Variants in CLVS1 observed in about 807,000 individuals in gnomAD.
CLVS1 encodes the protein clavesin 1.
Under a neutral mutation model 33.1 loss-of-function variants are expected in CLVS1, and 10 were observed. That is an observed-to-expected ratio of 0.30 (90% CI 0.19 to 0.51). The LOEUF (loss-of-function observed/expected upper bound fraction) is 0.51. CLVS1 is among the 20% of genes least tolerant of loss of function. The pLI, the probability that CLVS1 is intolerant of heterozygous loss-of-function variation, is 0.97. For missense variants in CLVS1, 343 were observed against 433.4 expected, an observed-to-expected ratio of 0.79 and a Z score of 1.85; for synonymous variants, 163 against 166.1, an observed-to-expected ratio of 0.98 and a Z score of 0.14.
intron 2 of CLVS1, among the ~76,000 whole-genome samples, chr8:61,375,710 A>G (rs1239194375): frequency 6.6e-6 from 1 of 152,204 alleles, no homozygotes; most frequent in Non-Finnish European, 1.5e-5. Context: ...AGATTTTGCC[A>G]TCACTTGCCA....
intron 2 of CLVS1, among the ~76,000 whole-genome samples, chr8:61,243,734 A>T (rs532214758): frequency 5.9e-5 from 9 of 152,150 alleles, no homozygotes; most frequent in Admixed American, 2.0e-4. Flanking sequence ...GTCAAGCAGT[A>T]TCACTAAGGG....
intron 1 of CLVS1, among the ~76,000 whole-genome samples, chr8:61,293,451 A>G (rs1810069887): frequency 6.6e-6 from 1 of 152,198 alleles, no homozygotes; most frequent in Non-Finnish European, 1.5e-5. Context: ...GCACCATGGA[A>G]CATGTAACCA....
rs867685698 is a variant in CLVS1 at position 61,476,617 on chromosome 8, A to G, written c.977+18075A>G. On this transcript the variant is annotated intron_variant, in intron 5 of 5. Transcript: ENST00000325897. ...TCTGTTTGTCTATTATTGGTATATAAGAATGCTTGTGATTTTTGCACATTG... is the reference window on the plus strand; with the variant it reads ...TCTGTTTGTCTATTATTGGTATATAGGAATGCTTGTGATTTTTGCACATTG... 1.4e-4 allele frequency among the ~76,000 whole-genome samples: 22 copies of G among 152,212 alleles called. 1 individual carries two copies. In the Middle Eastern group the frequency reaches 0.014, roughly 94 times the overall value.
intron 5 of CLVS1, among the ~76,000 whole-genome samples, chr8:61,482,353 C>T (rs561413004): frequency 1.3e-5 from 2 of 152,364 alleles, no homozygotes; most frequent in Non-Finnish European, 2.9e-5. Context: ...TGGAGAATGA[C>T]TTTGATGAGT....
chr8:61,259,484 G>T (rs1452771166), intron 2 of CLVS1, among the ~76,000 whole-genome samples: 2 of 152,164 alleles, frequency 1.3e-5, no homozygotes, highest in Non-Finnish European at 2.9e-5. Context: ...TATTTTCCTT[G>T]CTGGGAAATT....
intron 2 of CLVS1, among the ~76,000 whole-genome samples, chr8:61,196,558 T>C (rs1017672501): frequency 6.6e-6 from 1 of 152,196 alleles, no homozygotes; most frequent in African/African-American, 2.4e-5. Context: ...GAACTTGGTG[T>C]CTTGAAGGAT....
chr8:61,185,154 T>G (rs1010763645), intron 2 of CLVS1, among the ~76,000 whole-genome samples: 1 of 149,858 alleles, frequency 6.7e-6, no homozygotes, highest in Non-Finnish European at 1.5e-5. Flanking sequence ...TTTTTGTTTT[T>G]GTTTTTTGTG....
chr8:61,324,399 A>G (rs1463162638), intron 2 of CLVS1, among the ~76,000 whole-genome samples: 2 of 152,268 alleles, frequency 1.3e-5, no homozygotes, highest in Non-Finnish European at 2.9e-5. Flanking sequence ...ACCTCCCACC[A>G]TGATTCTGAG....
chr8:61,408,394 A>AAAAGACAG (rs1815077321), intron 3 of CLVS1, among the ~76,000 whole-genome samples: 1 of 152,204 alleles, frequency 6.6e-6, no homozygotes, highest in Admixed American at 6.5e-5. Flanking sequence ...GATTCGATTG[A>AAAAGACAG]AAAGACAGGC....
chr8:61,449,659 T>C (rs940238650), intron 3 of CLVS1, among the ~76,000 whole-genome samples: 1 of 152,180 alleles, frequency 6.6e-6, no homozygotes, highest in Admixed American at 6.5e-5. Context: ...GCCTTTTTTT[T>C]AGTTGCTTTT....
intron 2 of CLVS1, among the ~76,000 whole-genome samples, chr8:61,352,947 G>A (rs1812532128): frequency 6.6e-6 from 1 of 151,872 alleles, no homozygotes; most frequent in Admixed American, 6.6e-5. Context: ...TTTTGTATAC[G>A]AGACTTGAGC....
chr8:61,297,373 C>T (rs916149454), intron 1 of CLVS1, among the ~76,000 whole-genome samples: 2 of 151,958 alleles, frequency 1.3e-5, no homozygotes, highest in Admixed American at 6.6e-5. Context: ...TAAACAAAGA[C>T]GGTGATCATG....
At chr8:60,971,326 G>A in the CLVS1 span, among the ~76,000 whole-genome samples, 496 of 152,256 alleles carry the variant, frequency 3.3e-3, 4 homozygotes, top group Non-Finnish European at 6.0e-3. Context: ...CCATCCTCCT[G>A]CCTTGGCCTT....
chr8:61,215,413 A>T (rs1808062117), intron 2 of CLVS1, among the ~76,000 whole-genome samples: 1 of 152,184 alleles, frequency 6.6e-6, no homozygotes, highest in African/African-American at 2.4e-5. Flanking sequence ...AATTGTACTA[A>T]AGTCACTGTG....
chr8:61,426,358 T>C (rs776755967), intron 3 of CLVS1, among the ~76,000 whole-genome samples: 4 of 152,256 alleles, frequency 2.6e-5, no homozygotes, highest in Non-Finnish European at 5.9e-5. Context: ...TCACTGCATA[T>C]GGGCTTATAA....
At chr8:61,411,983 A>G (rs1347258766) in intron 3 of CLVS1, among the ~76,000 whole-genome samples, 1 of 152,172 alleles carries the variant, frequency 6.6e-6, no homozygotes, top group African/African-American at 2.4e-5. Flanking sequence ...GGAAACCGGG[A>G]AAAAGGCCCA....
rs910324246 is a variant in CLVS1 at position 61,198,933 on chromosome 8, G to C, written c.-152+67073G>C. 1.2e-4 allele frequency among the ~76,000 whole-genome samples: 19 copies of C among 152,210 alleles called. 1 individual carries two copies. Among genetic ancestry groups the C allele is most frequent in the Non-Finnish European group, 4.4e-5 (3 of 68,042 alleles). On this transcript the variant is annotated intron_variant, in intron 2 of 2. Coordinates refer to the CLVS1 transcript ENST00000522621. ...CCAAGGGTGAGTAGTATTCTGTGAT[G>C]TATATGTACTACATTTTCTTTATCC...
chr8:61,278,124 G>A (rs1014633232), intron 2 of CLVS1, among the ~76,000 whole-genome samples: 1 of 152,158 alleles, frequency 6.6e-6, no homozygotes, highest in African/African-American at 2.4e-5. Context: ...TAGGCAAATT[G>A]TGGGGGCCGA....
At chr8:61,073,227 G>T (rs946101128) in intron 1 of CLVS1, among the ~76,000 whole-genome samples, 1 of 152,114 alleles carries the variant, frequency 6.6e-6, no homozygotes, top group African/African-American at 2.4e-5. Flanking sequence ...AATCTACTTG[G>T]ATACTAGAAC....
Sources: gnomAD v4.1 joint callset for allele counts (sites outside exome capture counted in the v4.1 genomes callset) on GRCh38, gnomAD v4.1.1 for gene constraint, MANE v1.5 for transcripts, NCBI Gene and HGNC (gene_info 2026-07-23, HGNC 2026-07-21) for gene names.